Variants in CNTN4 observed in about 807,000 individuals in gnomAD.
CNTN4 encodes the protein contactin 4, also known as contactin-4.
Under a neutral mutation model 122.5 loss-of-function variants are expected in CNTN4, and 77 were observed. The ratio of observed to expected loss-of-function variants is 0.63; its 90% CI spans 0.52 to 0.76. The LOEUF is 0.76. CNTN4 is among the 30% of genes least tolerant of loss of function. The pLI, the probability that CNTN4 is intolerant of heterozygous loss-of-function variation, is 0.00. For missense variants in CNTN4, 1,256 were observed against 1,259.1 expected, an observed-to-expected ratio of 1.00 and a Z score of 0.04; for synonymous variants, 512 against 447.0, an observed-to-expected ratio of 1.15 and a Z score of -1.83.
At chr3:2,195,912 G>C (rs969855668) in intron 2 of CNTN4, among the ~76,000 whole-genome samples, 5 of 152,162 alleles carry the variant, frequency 3.3e-5, no homozygotes, top group Non-Finnish European at 7.4e-5. Context: ...AACTTTCTCT[G>C]TGAATTTTCA....
At chr3:2,222,208 G>C (rs2039087920) in intron 2 of CNTN4, among the ~76,000 whole-genome samples, 1 of 152,192 alleles carries the variant, frequency 6.6e-6, no homozygotes, top group South Asian at 2.1e-4. Flanking sequence ...ATAGTGGAAT[G>C]CTGTTCAGCA....
chr3:2,283,693 A>G (rs1408412101), intron 2 of CNTN4, among the ~76,000 whole-genome samples: 1 of 152,070 alleles, frequency 6.6e-6, no homozygotes, highest in East Asian at 1.9e-4. Context: ...TCTAACCTTT[A>G]ACTTCTTTCT....
chr3:2,806,046 T>C (rs1162383043), intron 6 of CNTN4, among the ~76,000 whole-genome samples: 5 of 152,022 alleles, frequency 3.3e-5, no homozygotes, highest in Non-Finnish European at 7.4e-5. Context: ...GGACTACAGG[T>C]GCCCACCAGC....
chr3:2,916,283 GAGGGA>G (rs1265856612), intron 12 of CNTN4, among the ~76,000 whole-genome samples: 2 of 151,432 alleles, frequency 1.3e-5, no homozygotes, highest in African/African-American at 4.9e-5. Flanking sequence ...GACAATAGTG[GAGGGA>G]AGGTCAGCAG....
chr3:3,014,092 AG>A (rs1257101909), intron 14 of CNTN4, among the ~76,000 whole-genome samples: 1 of 149,254 alleles, frequency 6.7e-6, no homozygotes, highest in Non-Finnish European at 1.5e-5. Flanking sequence ...ACACACCCCT[AG>A]GGGTTTTGTT....
At chr3:2,467,137 T>G (rs1328060127) in intron 3 of CNTN4, among the ~76,000 whole-genome samples, 23 of 150,940 alleles carry the variant, frequency 1.5e-4, no homozygotes, top group Non-Finnish European at 2.7e-4. Context: ...TTATGGGTTT[T>G]TTTTTTTTTT....
At chr3:2,121,780 G>T (rs887862035) in intron 2 of CNTN4, among the ~76,000 whole-genome samples, 51 of 152,098 alleles carry the variant, frequency 3.4e-4, no homozygotes, top group Non-Finnish European at 1.5e-4. Context: ...AAGAAGTAGG[G>T]TCTGATACCT....
At chr3:2,980,275 T>C (rs1693837068) in intron 13 of CNTN4, among the ~76,000 whole-genome samples, 1 of 152,200 alleles carries the variant, frequency 6.6e-6, no homozygotes, top group African/African-American at 2.4e-5. Context: ...AAATTAAGTC[T>C]TGTGTCATGT....
chr3:2,140,767 A>G (rs2034952665), intron 2 of CNTN4, among the ~76,000 whole-genome samples: 1 of 152,202 alleles, frequency 6.6e-6, no homozygotes, highest in Non-Finnish European at 1.5e-5. Flanking sequence ...AAGCTGGTGT[A>G]TGCCTCAAAA....
At chr3:2,250,794 A>G (rs889595715) in intron 2 of CNTN4, among the ~76,000 whole-genome samples, 4 of 151,910 alleles carry the variant, frequency 2.6e-5, no homozygotes, top group Admixed American at 6.6e-5. Flanking sequence ...AGTGAAGACA[A>G]AAGTAGACAG....
At chr3:2,886,460 CAT>C (rs1431312022) in intron 9 of CNTN4, among the ~76,000 whole-genome samples, 1 of 148,446 alleles carries the variant, frequency 6.7e-6, no homozygotes, top group East Asian at 2.0e-4. Context: ...ACATATATAA[CAT>C]ATAAAAATCT....
chr3:2,150,712 G>C (rs1411871942), intron 2 of CNTN4, among the ~76,000 whole-genome samples: 4 of 152,192 alleles, frequency 2.6e-5, no homozygotes, highest in Admixed American at 2.6e-4. Flanking sequence ...TACTCTTAAA[G>C]TCATTCTCAA....
chr3:2,989,606 C>A (rs1301705754), intron 14 of CNTN4, among the ~76,000 whole-genome samples: 1 of 152,236 alleles, frequency 6.6e-6, no homozygotes, highest in Non-Finnish European at 1.5e-5. Flanking sequence ...CTTGACCATG[C>A]AGATAGAAAA....
At chr3:2,935,275 T>C (rs1225364678) in intron 13 of CNTN4, among the ~76,000 whole-genome samples, 1 of 152,200 alleles carries the variant, frequency 6.6e-6, no homozygotes, top group Non-Finnish European at 1.5e-5. Flanking sequence ...TCAAGACATA[T>C]ATATGGAATT....
chr3:2,428,389 G>A (rs1197251177), intron 3 of CNTN4, among the ~76,000 whole-genome samples: 1 of 152,164 alleles, frequency 6.6e-6, no homozygotes, highest in Non-Finnish European at 1.5e-5. Context: ...TAAGAATGTT[G>A]AATATTGGCC....
intron 8 of CNTN4, among the ~76,000 whole-genome samples, chr3:2,876,997 C>T (rs2093851986): frequency 6.6e-6 from 1 of 151,968 alleles, no homozygotes; most frequent in East Asian, 1.9e-4. Context: ...TCATAGGCTG[C>T]ATCTCAACTT....
chr3:2,225,567 C>G (rs1158664764), intron 2 of CNTN4, among the ~76,000 whole-genome samples: 2 of 152,110 alleles, frequency 1.3e-5, no homozygotes, highest in African/African-American at 4.8e-5. Flanking sequence ...CAGGTCCTTT[C>G]CCTTCATCTT....
intron 13 of CNTN4, among the ~76,000 whole-genome samples, chr3:2,962,130 T>A (rs2094867139): frequency 6.6e-6 from 1 of 152,230 alleles, no homozygotes; most frequent in African/African-American, 2.4e-5. Flanking sequence ...ATTTTTGAAT[T>A]CCCTCCAGGA....
At chr3:3,003,538 T>C (rs1259882649) in intron 14 of CNTN4, among the ~76,000 whole-genome samples, 1 of 151,634 alleles carries the variant, frequency 6.6e-6, no homozygotes, top group African/African-American at 2.4e-5. Context: ...ATTCCCAGAA[T>C]AGGAAAATTT....
Sources: gnomAD v4.1 joint callset for allele counts (sites outside exome capture counted in the v4.1 genomes callset) on GRCh38, gnomAD v4.1.1 for gene constraint, MANE v1.5 for transcripts, NCBI Gene and HGNC (gene_info 2026-07-23, HGNC 2026-07-21) for gene names.